The following TDRD3 variants were observed in gnomAD, a reference collection of about 807,000 sequenced individuals.
The protein encoded by TDRD3 is tudor domain-containing protein 3.
Under a neutral mutation model 86.7 loss-of-function variants are expected in TDRD3, and 45 were observed. That is an observed-to-expected ratio of 0.52 (90% CI 0.41 to 0.67). The LOEUF is 0.67. Among genes scored for constraint, TDRD3 ranks in the 30% least tolerant of loss-of-function variants. The pLI, the probability that TDRD3 is intolerant of heterozygous loss-of-function variation, is 0.00. For missense variants in TDRD3, 814 were observed against 889.0 expected (o/e 0.92, Z 1.07); for synonymous variants, 298 against 301.7 (o/e 0.99, Z 0.13).
At chr13:60,429,918 T>C (rs1367566996) in intron 1 of TDRD3, among the ~76,000 whole-genome samples, 3 of 152,224 alleles carry the variant, frequency 2.0e-5, no homozygotes, top group Admixed American at 1.3e-4. Context: ...AAGGGCACCA[T>C]GTTTAAGAAG....
intron 12 of TDRD3, among the ~76,000 whole-genome samples, chr13:60,538,468 G>A (rs1011086754): frequency 4.6e-5 from 7 of 150,882 alleles, no homozygotes; most frequent in Admixed American, 1.3e-4. Context: ...ACACACATGA[G>A]ATGCACAGCT....
chr13:60,477,514 T>C (rs1956211958), intron 5 of TDRD3, among the ~76,000 whole-genome samples: 1 of 152,126 alleles, frequency 6.6e-6, no homozygotes, highest in South Asian at 2.1e-4. Context: ...TGTGCCCAGC[T>C]CGATGGCTCT....
chr13:60,504,019 A>G lies in TDRD3; in HGVS notation c.859-5744A>G, dbSNP rs746668726. Among the ~76,000 whole-genome samples the G allele has an allele frequency of 3.9e-5, 6 of 152,216 alleles. 1 individual carries two copies. Among genetic ancestry groups the G allele is most frequent in the South Asian group, 4.1e-4 (2 of 4,830 alleles). On this transcript the variant is annotated intron_variant, in intron 8 of 13. Coordinates refer to ENST00000377881, the MANE Select transcript of TDRD3 (RefSeq NM_001146070.2). ...TGCTGTGCTTTTATTTCAATGCTCA[A>G]TTTATGAAAAGATCATATACTTTTT...
At chr13:60,564,303 C>T (rs4243017) in intron 12 of TDRD3, among the ~76,000 whole-genome samples, 41,803 of 151,876 alleles carry the variant, frequency 0.28, 5,930 homozygotes, top group South Asian at 0.34. Flanking sequence ...TTTAGGGAGA[C>T]GTGAGACTTC....
chr13:60,414,215 T>C lies in TDRD3; in HGVS notation c.41+16810T>C, dbSNP rs958721585. ...ATTTTTTTTGAGAGAAGGACATGTC[T>C]ATTACATCTAGTTTTTGAAGAAAGA... On this transcript the variant is annotated intron_variant, in intron 1 of 13. Transcript: ENST00000377881. Among the ~76,000 whole-genome samples, 3 of 152,178 alleles carry C rather than the reference T, an allele frequency of 2.0e-5. No individual in the cohort carries two copies. The East Asian group carries it at 5.8e-4, about 29-fold the overall frequency.
At chr13:60,535,256 A>G (rs751563276) in intron 12 of TDRD3, 23 bp downstream of exon 12, 36 of 1,594,428 alleles carry the variant, frequency 2.3e-5, no homozygotes, top group Admixed American at 1.1e-4. Context: ...TATTCTGTAC[A>G]AAGGCATAAA....
chr13:60,480,479 C>T (rs1956285480), intron 5 of TDRD3, among the ~76,000 whole-genome samples: 1 of 152,104 alleles, frequency 6.6e-6, no homozygotes. Flanking sequence ...GAATAGTCAT[C>T]TTGCATAGTA....
intron 3 of TDRD3, among the ~76,000 whole-genome samples, chr13:60,449,637 C>T (rs1240469954): frequency 1.3e-5 from 2 of 152,016 alleles, no homozygotes; most frequent in African/African-American, 4.8e-5. Flanking sequence ...AGGCTTTTTA[C>T]TTTCAGGGAA....
chr13:60,547,980 T>G (rs1457877899), intron 12 of TDRD3, among the ~76,000 whole-genome samples: 2 of 152,184 alleles, frequency 1.3e-5, no homozygotes, highest in Non-Finnish European at 2.9e-5. Context: ...TGAATCCTGT[T>G]TCTTAGCTCA....
intron 8 of TDRD3, among the ~76,000 whole-genome samples, chr13:60,504,926 C>G (rs983980713): frequency 2.0e-5 from 3 of 152,218 alleles, no homozygotes; most frequent in Non-Finnish European, 4.4e-5. Context: ...ATGCTTTTCT[C>G]ACAGTCTTCA....
chr13:60,440,078 CTA>C (rs1361194474), intron 2 of TDRD3, among the ~76,000 whole-genome samples: 2 of 152,044 alleles, frequency 1.3e-5, no homozygotes, highest in African/African-American at 4.8e-5. Flanking sequence ...TAAAAACTGA[CTA>C]TTCATTAAAA....
chr13:60,542,234 C>T (rs1246083598), intron 12 of TDRD3, among the ~76,000 whole-genome samples: 1 of 152,028 alleles, frequency 6.6e-6, no homozygotes, highest in Non-Finnish European at 1.5e-5. Flanking sequence ...CTGAATTTTA[C>T]CATTCTTTCG....
chr13:60,535,322 A>G, intron 12 of TDRD3, 89 bp downstream of exon 12: 2 of 1,386,392 alleles, frequency 1.4e-6, no homozygotes, highest in East Asian at 2.6e-5. Flanking sequence ...CAAAATATGC[A>G]AGTGGAATCA....
rs146158889 is a variant in TDRD3, at chr13:60,521,892, C to T, written c.1142-6475C>T. ...AGCCTGGGCAACAAGAGTGAAACTC[C>T]GTTTCAAAAAAAAAAGAAAGTGTAT... On this transcript the variant is annotated intron_variant, in intron 10 of 13. Transcript: ENST00000377881. 3.0e-3 allele frequency among the ~76,000 whole-genome samples: 446 copies of T among 150,750 alleles called. 1 individual carries two copies. Among genetic ancestry groups the T allele is most frequent in the African/African-American group, 0.01 (425 of 41,106 alleles).
At chr13:60,481,445 C>G (rs1378032822) in intron 5 of TDRD3, among the ~76,000 whole-genome samples, 4 of 151,298 alleles carry the variant, frequency 2.6e-5, no homozygotes, top group African/African-American at 9.7e-5. Flanking sequence ...TTTTTTTACC[C>G]TAGGCTTTTC....
chr13:60,420,991 T>G (rs1954640148), intron 1 of TDRD3, among the ~76,000 whole-genome samples: 1 of 152,154 alleles, frequency 6.6e-6, no homozygotes, highest in African/African-American at 2.4e-5. Context: ...CTATATTGTT[T>G]TATTATTCTA....
At chr13:60,416,806 T>A (rs1332217099) in intron 1 of TDRD3, among the ~76,000 whole-genome samples, 1 of 152,184 alleles carries the variant, frequency 6.6e-6, no homozygotes, top group Non-Finnish European at 1.5e-5. Context: ...AGACATAGTG[T>A]CTTAAAATTC....
chr13:60,558,651 C>G (rs1958257922), intron 12 of TDRD3, among the ~76,000 whole-genome samples: 1 of 151,978 alleles, frequency 6.6e-6, no homozygotes, highest in African/African-American at 2.4e-5. Flanking sequence ...TTATTTTTTG[C>G]TTTATCTTAA....
chr13:60,484,037 A>C (rs1376837122), intron 6 of TDRD3, among the ~76,000 whole-genome samples, 191 bp downstream of exon 6: 1 of 152,062 alleles, frequency 6.6e-6, no homozygotes, highest in African/African-American at 2.4e-5. Context: ...CGTTTGCGAG[A>C]GCTGTTAACC....
Sources: allele counts gnomAD v4.1 joint callset (sites outside exome capture counted in the v4.1 genomes callset), GRCh38; gene constraint gnomAD v4.1.1; transcripts MANE v1.5; gene names NCBI Gene and HGNC (gene_info 2026-07-23, HGNC 2026-07-21).